ULK4: variants seen among roughly 807,000 people sequenced by gnomAD.
ULK4 encodes the protein unc-51 like kinase 4.
In ULK4, 133 loss-of-function variants were observed where a neutral mutation model predicts 160.6. That is an observed-to-expected ratio of 0.83 (90% CI 0.72 to 0.96). ULK4 has a LOEUF of 0.96. Among genes scored for constraint, ULK4 ranks in the 40% least tolerant of loss-of-function variants. The pLI is 0.00. For synonymous variants in ULK4, 534 were observed against 539.8 expected, an observed-to-expected ratio of 0.99 and a Z score of 0.15; for missense variants, 1,580 against 1,499.5, an observed-to-expected ratio of 1.05 and a Z score of -0.89.
chr3:41,706,900 T>TATATATAG lies in ULK4; in HGVS notation c.2635-1596_2635-1595insCTATATAT, dbSNP rs369390361. 3.2e-4 allele frequency among the ~76,000 whole-genome samples: 43 copies of TATATATAG among 136,428 alleles called. No individual in the cohort carries two copies. In the East Asian group the frequency reaches 3.2e-3, roughly 10 times the overall value. The allele number at this position is 136,428 out of a possible 152,430, so 89.5% of individuals were successfully genotyped here. ...GTGTGTGTGTGTGTGTATATATATA[T>TATATATAG]AGAGAGAGAGAGAGAATAGAATCTA... On this transcript the variant is annotated intron_variant, in intron 25 of 36. Transcript: ENST00000301831.
intron 27 of ULK4, among the ~76,000 whole-genome samples, chr3:41,683,887 CGTCT>C (rs1318207983): frequency 6.6e-6 from 1 of 152,098 alleles, no homozygotes; most frequent in East Asian, 1.9e-4. Flanking sequence ...TGGACTTTGT[CGTCT>C]GTCTATTCAA....
At chr3:41,632,584 G>A (rs1043582948) in intron 30 of ULK4, among the ~76,000 whole-genome samples, 2 of 152,100 alleles carry the variant, frequency 1.3e-5, no homozygotes, top group African/African-American at 2.4e-5. Context: ...GTACAGAAGA[G>A]ACAACAGAAT....
chr3:41,692,168 G>A (rs1001289295), intron 27 of ULK4, among the ~76,000 whole-genome samples: 9 of 151,440 alleles, frequency 5.9e-5, no homozygotes, highest in Middle Eastern at 3.4e-3. Flanking sequence ...AGCCAGGATC[G>A]TCTCGATCTC....
At chr3:41,583,107 T>C (rs982035986) in intron 31 of ULK4, among the ~76,000 whole-genome samples, 6 of 152,204 alleles carry the variant, frequency 3.9e-5, no homozygotes, top group Admixed American at 3.9e-4. Context: ...TTAGCTATTT[T>C]TGTTTTTTAA....
chr3:41,252,901 GA>G (rs200968594), intron 35 of ULK4, among the ~76,000 whole-genome samples: 15 of 149,966 alleles, frequency 1.0e-4, no homozygotes, highest in East Asian at 3.9e-4. Flanking sequence ...AAAGTGGGCA[GA>G]AAAAAAAATG....
intron 32 of ULK4, among the ~76,000 whole-genome samples, chr3:41,470,148 A>T (rs562956216): frequency 1.9e-4 from 29 of 152,168 alleles, no homozygotes; most frequent in African/African-American, 6.5e-4. Flanking sequence ...AATCAAAGTA[A>T]ACCAAAAGAA....
intron 1 of ULK4, among the ~76,000 whole-genome samples, chr3:41,960,535 T>C (rs1225267949): frequency 6.6e-6 from 1 of 151,986 alleles, no homozygotes; most frequent in Non-Finnish European, 1.5e-5. Flanking sequence ...AGTTAATTTT[T>C]TGTGTTTTTG....
intron 34 of ULK4, among the ~76,000 whole-genome samples, chr3:41,421,689 C>T (rs2082667786): frequency 6.6e-6 from 1 of 151,972 alleles, no homozygotes; most frequent in South Asian, 2.1e-4. Context: ...ATTTTCTTGC[C>T]TATATTCCTA....
intron 34 of ULK4, among the ~76,000 whole-genome samples, chr3:41,420,330 T>C (rs977878946): frequency 6.6e-6 from 1 of 151,956 alleles, no homozygotes; most frequent in Non-Finnish European, 1.5e-5. Flanking sequence ...TTCATTTACA[T>C]CATATTTTAT....
At chr3:41,869,561 C>T (rs1180639075) in intron 17 of ULK4, among the ~76,000 whole-genome samples, 1 of 152,082 alleles carries the variant, frequency 6.6e-6, no homozygotes, top group Non-Finnish European at 1.5e-5. Context: ...GCCTGGGTGA[C>T]CGGGTGAGAC....
intron 33 of ULK4, among the ~76,000 whole-genome samples, chr3:41,462,594 A>C (rs1277221012): frequency 2.0e-5 from 3 of 152,180 alleles, no homozygotes; most frequent in African/African-American, 7.2e-5. Flanking sequence ...ACCATCTCAC[A>C]AGTCCATGGT....
At chr3:41,604,720 T>C (rs1454019791) in intron 31 of ULK4, among the ~76,000 whole-genome samples, 1 of 152,244 alleles carries the variant, frequency 6.6e-6, no homozygotes, top group African/African-American at 2.4e-5. Flanking sequence ...AAGTTCACTG[T>C]CAAGCTACAG....
At chr3:41,463,284 T>C (rs1344757774) in intron 32 of ULK4, 31 bp from the exon 33 acceptor site, 1 of 1,599,852 alleles carries the variant, frequency 6.3e-7, no homozygotes, top group Admixed American at 1.7e-5. Flanking sequence ...GAAAAAAACC[T>C]CATCATTAAG....
At chr3:41,377,560 A>G (rs1256817209) in intron 35 of ULK4, among the ~76,000 whole-genome samples, 13 of 146,772 alleles carry the variant, frequency 8.9e-5, no homozygotes, top group East Asian at 8.1e-4. Flanking sequence ...AAAAGTGGGC[A>G]AAGGACATGA....
intron 17 of ULK4, among the ~76,000 whole-genome samples, chr3:41,836,728 T>C (rs2041768450): frequency 6.6e-6 from 1 of 152,174 alleles, no homozygotes; most frequent in South Asian, 2.1e-4. Flanking sequence ...AATCAGAGCC[T>C]GAGAATGTTA....
intron 5 of ULK4, among the ~76,000 whole-genome samples, chr3:41,921,491 T>G (rs1699180848): frequency 6.6e-6 from 1 of 151,972 alleles, no homozygotes; most frequent in South Asian, 2.1e-4. Context: ...GGCAGGCGCC[T>G]GTAGTCCCAG....
At position 41,325,280 on chromosome 3, in the gene ULK4, C is replaced by T. The variant is rs138126048; in HGVS notation, c.3678+72799G>A. 6.6e-3 allele frequency among the ~76,000 whole-genome samples: 1,007 copies of T among 152,112 alleles called. 16 individuals carry two copies. The highest frequency in any genetic ancestry group is 0.023 in the African/African-American group (940 of 41,478). Reference sequence around the variant, plus strand: ...AGGTTGTTCACTCAGAAAAGAAACCCAGGAGGTGGGGGTATCTGGGGAGTT... The same window carrying T: ...AGGTTGTTCACTCAGAAAAGAAACCTAGGAGGTGGGGGTATCTGGGGAGTT... On this transcript the variant is annotated intron_variant, in intron 35 of 36. Coordinates refer to ENST00000301831, the MANE Select transcript of ULK4 (RefSeq NM_017886.4).
intron 35 of ULK4, among the ~76,000 whole-genome samples, chr3:41,369,760 C>T (rs1183487494): frequency 6.7e-6 from 1 of 149,228 alleles, no homozygotes; most frequent in East Asian, 2.0e-4. Context: ...TGCCACTGCA[C>T]TCCAGCCTGG....
intron 35 of ULK4, among the ~76,000 whole-genome samples, chr3:41,345,626 G>T: frequency 6.6e-6 from 1 of 152,140 alleles, no homozygotes; most frequent in East Asian, 1.9e-4. Flanking sequence ...GCCTGTTAGA[G>T]GTTGGGGGTG....
Sources: gnomAD v4.1 joint callset for allele counts (sites outside exome capture counted in the v4.1 genomes callset) on GRCh38, gnomAD v4.1.1 for gene constraint, MANE v1.5 for transcripts, NCBI Gene and HGNC (gene_info 2026-07-23, HGNC 2026-07-21) for gene names.